FAF1: variants seen among roughly 807,000 people sequenced by gnomAD.
FAF1 encodes FAS-associated factor 1.
Under a neutral mutation model 92.5 loss-of-function variants are expected in FAF1, and 25 were observed. That is an observed-to-expected ratio of 0.27 (90% CI 0.20 to 0.38). The LOEUF is 0.38. Ranked by LOEUF, FAF1 falls within the 10% of genes least tolerant of loss-of-function variation. The probability of loss-of-function intolerance (pLI) is 1.00; values close to 1 mark genes in which losing one functional copy is unlikely to be tolerated. For missense variants in FAF1, 636 were observed against 793.3 expected, an observed-to-expected ratio of 0.80 and a Z score of 2.38; for synonymous variants, 234 against 273.2, an observed-to-expected ratio of 0.86 and a Z score of 1.42.
chr1:50,901,813 C>A (rs1644799409), intron 1 of FAF1, among the ~76,000 whole-genome samples: 1 of 152,042 alleles, frequency 6.6e-6, no homozygotes, highest in Non-Finnish European at 1.5e-5. Context: ...TGCAGTGGGC[C>A]AAGATCATGC....
chr1:50,539,083 T>A (rs1356533503), intron 14 of FAF1, among the ~76,000 whole-genome samples: 1 of 152,254 alleles, frequency 6.6e-6, no homozygotes, highest in Non-Finnish European at 1.5e-5. Context: ...GTAAAGAATG[T>A]GCACTGTGGT....
chr1:50,809,778 G>A (rs1662350300), intron 2 of FAF1, among the ~76,000 whole-genome samples: 1 of 152,200 alleles, frequency 6.6e-6, no homozygotes, highest in African/African-American at 2.4e-5. Flanking sequence ...TTTGAGGCCA[G>A]CATCATCCTG....
intron 2 of FAF1, among the ~76,000 whole-genome samples, chr1:50,820,847 A>ATGTGTG (rs59160200): frequency 2.0e-5 from 3 of 149,812 alleles, no homozygotes; most frequent in African/African-American, 7.3e-5. Context: ...CTGAATAATA[A>ATGTGTG]TGTGTGTGTG....
chr1:50,923,129 T>C (rs749254890), intron 1 of FAF1, among the ~76,000 whole-genome samples: 3 of 152,066 alleles, frequency 2.0e-5, no homozygotes, highest in Non-Finnish European at 4.4e-5. Flanking sequence ...AGTAATAAAG[T>C]CTCCTAAGGC....
At chr1:50,633,207 T>C (rs1408043708) in intron 8 of FAF1, among the ~76,000 whole-genome samples, 1 of 152,200 alleles carries the variant, frequency 6.6e-6, no homozygotes, top group East Asian at 1.9e-4. Context: ...GTTGGGTGCA[T>C]TTACTTATTA....
intron 6 of FAF1, among the ~76,000 whole-genome samples, chr1:50,708,041 C>T (rs1014829655): frequency 2.6e-5 from 4 of 152,348 alleles, no homozygotes; most frequent in Non-Finnish European, 5.9e-5. Flanking sequence ...AACTCCTGAC[C>T]TCGTGATCCA....
chr1:50,751,209 T>C (rs937652379), intron 4 of FAF1, among the ~76,000 whole-genome samples: 16 of 151,078 alleles, frequency 1.1e-4, no homozygotes, highest in Admixed American at 6.6e-5. Flanking sequence ...CTTTGTAAAC[T>C]TGATAGAGGG....
intron 2 of FAF1, among the ~76,000 whole-genome samples, chr1:50,814,003 A>G (rs1643942209): frequency 6.6e-6 from 1 of 152,194 alleles, no homozygotes; most frequent in African/African-American, 2.4e-5. Flanking sequence ...CTATACATAT[A>G]GTTATGATAA....
Position 50,705,974 on chromosome 1 carries a change from A to G in FAF1, c.552-83T>C, listed in dbSNP as rs1019377128. ...TACAGCTAGCTGCAAAAACCCCAGG[A>G]GTACCCTAACCTCCACACAGGCATG... is the stretch of plus-strand genomic sequence containing the variant. On this transcript the variant is annotated intron_variant, in intron 6 of 18. Transcript: ENST00000396153. The G allele has an allele frequency of 5.3e-6, 4 of 755,748 alleles. No homozygotes were observed. In the African/African-American group the frequency reaches 6.9e-5, roughly 13 times the overall value. The allele number at this position is 755,748 out of a possible 1,614,324, so 46.8% of individuals were successfully genotyped here.
At chr1:50,538,447 C>T (rs1648601155) in intron 14 of FAF1, among the ~76,000 whole-genome samples, 1 of 150,672 alleles carries the variant, frequency 6.6e-6, no homozygotes, top group African/African-American at 2.4e-5. Flanking sequence ...AATATGACTA[C>T]TATTGCAGTT....
intron 2 of FAF1, among the ~76,000 whole-genome samples, chr1:50,851,548 A>C (rs1644349166): frequency 6.6e-6 from 1 of 152,220 alleles, no homozygotes; most frequent in South Asian, 2.1e-4. Context: ...AGTACTAGAT[A>C]TCAAAAAACA....
chr1:50,732,598 T>G (rs993930037), intron 6 of FAF1, among the ~76,000 whole-genome samples: 4 of 152,228 alleles, frequency 2.6e-5, no homozygotes, highest in Admixed American at 1.3e-4. Context: ...GGGGTCACTT[T>G]CTTTTCCTTT....
intron 4 of FAF1, among the ~76,000 whole-genome samples, chr1:50,757,882 A>G (rs2124521371): frequency 6.6e-6 from 1 of 152,096 alleles, no homozygotes; most frequent in Non-Finnish European, 1.5e-5. Context: ...AATGACCATT[A>G]TGTGTATTCA....
At chr1:50,928,859 G>A (rs1296875748) in intron 1 of FAF1, among the ~76,000 whole-genome samples, 1 of 150,884 alleles carries the variant, frequency 6.6e-6, no homozygotes, top group Admixed American at 6.6e-5. Flanking sequence ...CACTTTGGGA[G>A]GCTAAGCTGA....
At chr1:50,556,637 A>G (rs1319820358) in intron 13 of FAF1, among the ~76,000 whole-genome samples, 1 of 151,912 alleles carries the variant, frequency 6.6e-6, no homozygotes, top group African/African-American at 2.4e-5. Context: ...GGAATTTGAG[A>G]CCAGCCTTGG....
chr1:50,596,033 T>C lies in FAF1; in HGVS notation c.840+88A>G, dbSNP rs1296842714. On this transcript the variant is annotated intron_variant, in intron 9 of 18. Transcript: ENST00000396153. ...ATGCTACATTAACTTTATCTGTTCA[T>C]TGCTCTGGCAGATAAAAAAAAAGGG... 4 of 826,906 alleles carry C rather than the reference T, an allele frequency of 4.8e-6. No individual in the cohort carries two copies. In the Admixed American group the frequency reaches 6.7e-5, roughly 14 times the overall value. 51.2% of individuals were successfully genotyped at this position (826,906 alleles called of 1,614,324 possible).
rs147543701 is a variant in FAF1 at position 50,447,389 on chromosome 1, T to A, written c.1870-5866A>T. 3.6e-3 allele frequency among the ~76,000 whole-genome samples: 542 copies of A among 152,272 alleles called. 9 individuals carry two copies. In the East Asian group the frequency reaches 0.068, roughly 19 times the overall value. Reference sequence around the variant, plus strand: ...ATCCGCCCGCCTCGGCCTCCCAAAGTGCTGGGATTACAGGCGTGAGCCACC... The same window carrying A: ...ATCCGCCCGCCTCGGCCTCCCAAAGAGCTGGGATTACAGGCGTGAGCCACC... On this transcript the variant is annotated intron_variant, in intron 18 of 18. Transcript: ENST00000396153.
At chr1:50,792,233 A>C (rs1661588684) in intron 3 of FAF1, among the ~76,000 whole-genome samples, 1 of 152,230 alleles carries the variant, frequency 6.6e-6, no homozygotes, top group African/African-American at 2.4e-5. Flanking sequence ...GATAGCTACA[A>C]AATTTTAAAA....
chr1:50,465,836 A>G (rs1646487614), intron 18 of FAF1, among the ~76,000 whole-genome samples: 1 of 152,202 alleles, frequency 6.6e-6, no homozygotes, highest in South Asian at 2.1e-4. Context: ...ATTTCAGTAG[A>G]AGAAAGTGCA....
Sources: allele counts gnomAD v4.1 joint callset (sites outside exome capture counted in the v4.1 genomes callset), GRCh38; gene constraint gnomAD v4.1.1; transcripts MANE v1.5; gene names NCBI Gene and HGNC (gene_info 2026-07-23, HGNC 2026-07-21).